AP3B1: variants seen among roughly 807,000 people sequenced by gnomAD.
AP3B1 encodes the protein adaptor related protein complex 3 subunit beta 1, also known as AP-3 complex subunit beta-1.
AP3B1 carries 61 observed loss-of-function variants against 132.5 expected under a neutral mutation model. That is an observed-to-expected ratio of 0.46 (90% CI 0.37 to 0.57). AP3B1 has a LOEUF of 0.57. Among genes scored for constraint, AP3B1 ranks in the 20% least tolerant of loss-of-function variants. The pLI is 0.00. For missense variants in AP3B1, 1,120 were observed against 1,289.4 expected (o/e 0.87, Z 2.01); for synonymous variants, 388 against 438.3 (o/e 0.89, Z 1.43).
At chr5:78,041,927 GGCTT>G (rs1213668543) in intron 22 of AP3B1, 1 of 203,218 alleles carries the variant, frequency 4.9e-6, no homozygotes, top group Non-Finnish European at 1.0e-5. Flanking sequence ...ACTGAGACCA[GGCTT>G]TTCCCATCAA....
intron 22 of AP3B1, among the ~76,000 whole-genome samples, chr5:78,077,428 T>C (rs954219332): frequency 6.6e-6 from 1 of 152,136 alleles, no homozygotes; most frequent in Non-Finnish European, 1.5e-5. Context: ...TCCAACCTCC[T>C]TCAGCATTGT....
intron 20 of AP3B1, among the ~76,000 whole-genome samples, chr5:78,109,875 G>A (rs3776931): frequency 0.016 from 2,458 of 152,124 alleles, 67 homozygotes; most frequent in African/African-American, 0.055. Flanking sequence ...TTTTTAAAAA[G>A]TGAATAGTCT....
chr5:78,020,660 T>C (rs1383775296), intron 25 of AP3B1, 32 bp downstream of exon 25: 1 of 1,507,324 alleles, frequency 6.6e-7, no homozygotes, highest in Non-Finnish European at 9.2e-7. Flanking sequence ...ATTTGGTATG[T>C]AAATTTCTAG....
chr5:78,231,296 C>T (rs1247599617), intron 3 of AP3B1, among the ~76,000 whole-genome samples: 1 of 151,996 alleles, frequency 6.6e-6, no homozygotes, highest in African/African-American at 2.4e-5. Context: ...GCCTCAGCTT[C>T]CCAAGTAGCT....
Position 78,278,002 on chromosome 5 carries a change from C to G in AP3B1, c.129-10407G>C, listed in dbSNP as rs563595843. On this transcript the variant is annotated intron_variant, in intron 1 of 26. Transcript: ENST00000255194. ...GTAGGCAGCAGGAAGTATGTTTTACCTTTGCTCAGGAGATTAGGAATGTCT... is the reference window on the plus strand; with the variant it reads ...GTAGGCAGCAGGAAGTATGTTTTACGTTTGCTCAGGAGATTAGGAATGTCT... Among the ~76,000 whole-genome samples, 15 of 152,200 alleles carry G rather than the reference C, an allele frequency of 9.9e-5. No individual in the cohort carries two copies. In the South Asian group the frequency reaches 3.1e-3, roughly 32 times the overall value.
At chr5:78,169,601 A>AT (rs1026954471) in intron 11 of AP3B1, among the ~76,000 whole-genome samples, 3 of 151,806 alleles carry the variant, frequency 2.0e-5, no homozygotes, top group African/African-American at 4.8e-5. Context: ...GCTAATTTTG[A>AT]TTTTTTTAAA....
intron 3 of AP3B1, among the ~76,000 whole-genome samples, chr5:78,229,387 T>A (rs1746534938): frequency 6.6e-6 from 1 of 152,148 alleles, no homozygotes; most frequent in Non-Finnish European, 1.5e-5. Context: ...TTCTCAAATA[T>A]CTTCACATTC....
At chr5:78,182,749 C>T (rs951427333) in intron 7 of AP3B1, among the ~76,000 whole-genome samples, 2 of 152,160 alleles carry the variant, frequency 1.3e-5, no homozygotes, top group African/African-American at 2.4e-5. Context: ...CTACCCCCAT[C>T]CCCACCAGTA....
intron 2 of AP3B1, among the ~76,000 whole-genome samples, chr5:78,252,609 G>A (rs371435261): frequency 2.4e-4 from 37 of 152,330 alleles, no homozygotes; most frequent in African/African-American, 8.7e-4. Flanking sequence ...TGGGGTGGTG[G>A]TGGCTACAGG....
intron 6 of AP3B1, among the ~76,000 whole-genome samples, chr5:78,218,433 T>C (rs1255497182): frequency 6.6e-6 from 1 of 152,164 alleles, no homozygotes; most frequent in African/African-American, 2.4e-5. Flanking sequence ...ATTTTTTATA[T>C]TAAAGCAATA....
At chr5:78,037,460 T>C (rs923218374) in intron 23 of AP3B1, among the ~76,000 whole-genome samples, 1 of 152,226 alleles carries the variant, frequency 6.6e-6, no homozygotes, top group Non-Finnish European at 1.5e-5. Context: ...AAAAATTAAG[T>C]GGATTTTGAA....
chr5:78,266,226 A>G (rs978236174), intron 2 of AP3B1, among the ~76,000 whole-genome samples: 7 of 147,562 alleles, frequency 4.7e-5, no homozygotes, highest in Admixed American at 4.6e-4. Flanking sequence ...TCACTTAACT[A>G]AACTGTAGTA....
chr5:78,251,902 G>GT (rs1216376112), intron 2 of AP3B1, among the ~76,000 whole-genome samples: 1 of 152,178 alleles, frequency 6.6e-6, no homozygotes, highest in East Asian at 1.9e-4. Context: ...TTGCACAGCT[G>GT]GTGGCTCCAA....
intron 17 of AP3B1, among the ~76,000 whole-genome samples, chr5:78,123,864 T>C (rs1752342200): frequency 6.6e-6 from 1 of 152,130 alleles, no homozygotes; most frequent in Non-Finnish European, 1.5e-5. Context: ...ACCCAAAGGA[T>C]TATAAATCAT....
chr5:78,091,201 A>G (rs1448413731), intron 21 of AP3B1, among the ~76,000 whole-genome samples: 1 of 151,684 alleles, frequency 6.6e-6, no homozygotes, highest in Non-Finnish European at 1.5e-5. Flanking sequence ...TCTGAAAGGT[A>G]GCAAGTGAGA....
At position 78,156,320 on chromosome 5, in the gene AP3B1, T is replaced by C; in HGVS notation, c.1411A>G (p.Met471Val). ...ATTTCACCATGTTGTGCAGGTTGCATTTGCAGTAATTTCTTTATAACAACC... is the reference window on the plus strand; with the variant it reads ...ATTTCACCATGTTGTGCAGGTTGCACTTGCAGTAATTTCTTTATAACAACC... The part of the protein sequence containing the change: ...SVVVIKKLLQ[M>V]QPAQHGEIIK... Residue 471 changes from methionine to valine, a missense_variant, in exon 14 of 27, where the codon ATG becomes GTG. Around this residue, in one of 3 missense-constraint regions of AP3B1, gnomAD observed 906 missense variants for 997.1 expected, o/e 0.91. Coordinates refer to ENST00000255194, the MANE Select transcript of AP3B1 (RefSeq NM_003664.5). 1 of 1,613,786 alleles carries C rather than the reference T, an allele frequency of 6.2e-7. No individual in the cohort carries two copies. Among genetic ancestry groups the C allele is most frequent in the Non-Finnish European group, 8.5e-7 (1 of 1,179,850 alleles).
At chr5:78,121,525 C>T (rs1752194739) in intron 17 of AP3B1, among the ~76,000 whole-genome samples, 1 of 152,152 alleles carries the variant, frequency 6.6e-6, no homozygotes, top group South Asian at 2.1e-4. Context: ...CACCACTGAT[C>T]CCACAGAAAT....
rs923202390 is a variant in AP3B1, at chr5:78,177,209, T to C, written c.1040+130A>G. The stretch of plus-strand genomic sequence containing the variant: ...ACTTTTATAATAATCCCCTTAAGTA[T>C]GAAATCTTACTGATCGATTGATTAA... On this transcript the variant is annotated intron_variant, in intron 9 of 26. Coordinates refer to ENST00000255194, the MANE Select transcript of AP3B1 (RefSeq NM_003664.5). 9 of 666,838 alleles carry C rather than the reference T, an allele frequency of 1.3e-5. 1 individual carries two copies. Among genetic ancestry groups the C allele is most frequent in the Admixed American group, 5.5e-5 (2 of 36,128 alleles). 41.3% of individuals were successfully genotyped at this position (666,838 alleles called of 1,614,324 possible).
At chr5:78,266,831 C>T (rs899400447) in intron 2 of AP3B1, among the ~76,000 whole-genome samples, 8 of 151,770 alleles carry the variant, frequency 5.3e-5, no homozygotes, top group Non-Finnish European at 8.8e-5. Flanking sequence ...CAAATGAGTA[C>T]GTACAGAGAG....
Sources: allele counts gnomAD v4.1 joint callset (sites outside exome capture counted in the v4.1 genomes callset), GRCh38; gene constraint gnomAD v4.1.1; regional missense constraint gnomAD v4.1.1; transcripts MANE v1.5; gene names NCBI Gene and HGNC (gene_info 2026-07-23, HGNC 2026-07-21).